Variants in KCNIP4 observed in about 807,000 individuals in gnomAD.
KCNIP4 encodes the protein potassium voltage-gated channel interacting protein 4.
A neutral mutation model predicts 34.0 loss-of-function variants in KCNIP4; 12 were observed. That is an observed-to-expected ratio of 0.35 (90% CI 0.23 to 0.57). The LOEUF (loss-of-function observed/expected upper bound fraction) is 0.57. Among genes scored for constraint, KCNIP4 ranks in the 20% least tolerant of loss-of-function variants. The pLI is 0.83. For synonymous variants in KCNIP4, 124 were observed against 102.2 expected (o/e 1.21, Z -1.29); for missense variants, 238 against 311.7 (o/e 0.76, Z 1.78).
At chr4:20,959,638 T>C (rs1211715507) in intron 1 of KCNIP4, among the ~76,000 whole-genome samples, 2 of 152,238 alleles carry the variant, frequency 1.3e-5, no homozygotes, top group Non-Finnish European at 2.9e-5. Context: ...AGTAAACAGT[T>C]AGTTGCTCTA....
chr4:21,582,046 TGG>T (rs1741262168), intron 1 of KCNIP4: 1 of 141,326 alleles, frequency 7.1e-6, no homozygotes, highest in Non-Finnish European at 1.5e-5. Flanking sequence ...TGGAATGGAA[TGG>T]AATGGAATGG....
chr4:20,992,739 C>CA (rs1421237059), intron 1 of KCNIP4, among the ~76,000 whole-genome samples: 1 of 152,034 alleles, frequency 6.6e-6, no homozygotes, highest in East Asian at 1.9e-4. Flanking sequence ...AAAGAAAGCA[C>CA]AGAGTAGGCC....
intron 1 of KCNIP4, among the ~76,000 whole-genome samples, chr4:21,604,133 A>G (rs1190487695): frequency 1.3e-5 from 2 of 152,178 alleles, no homozygotes; most frequent in African/African-American, 4.8e-5. Context: ...GAAGTAAAAT[A>G]TATTAATTTT....
rs116989985 is a variant in KCNIP4, at chr4:21,125,765, T to A, written c.62-243056A>T. ...CCAGGCCTCCAACATAATAGTTTGT[T>A]CCATTCTAACCTCTTATGATTAAGG... On this transcript the variant is annotated intron_variant, in intron 1 of 8. Transcript: ENST00000382152. Among the ~76,000 whole-genome samples the A allele has an allele frequency of 6.7e-3, 1,019 of 152,250 alleles. 29 individuals are homozygous for A. In the East Asian group the frequency reaches 0.091, roughly 14 times the overall value.
rs79849807 is a variant in KCNIP4, at chr4:21,423,110, A to T, written c.61+525461T>A. On this transcript the variant is annotated intron_variant, in intron 1 of 8. Coordinates refer to ENST00000382152, the MANE Select transcript of KCNIP4 (RefSeq NM_025221.6). Reference sequence around the variant, plus strand: ...ATATTCTTGGAAGTCAAGAGATAGCACCTGGACAAGGGAACTCTCTTCCAA... The same window carrying T: ...ATATTCTTGGAAGTCAAGAGATAGCTCCTGGACAAGGGAACTCTCTTCCAA... Among the ~76,000 whole-genome samples the T allele has an allele frequency of 2.1e-3, 321 of 152,294 alleles. 6 individuals are homozygous for T. In the East Asian group the frequency reaches 0.058, roughly 28 times the overall value.
At chr4:21,809,190 C>T (rs1165932699) in intron 1 of KCNIP4, among the ~76,000 whole-genome samples, 1 of 152,052 alleles carries the variant, frequency 6.6e-6, no homozygotes, top group Non-Finnish European at 1.5e-5. Flanking sequence ...TGTGGGTAGG[C>T]ATTAATCATT....
chr4:21,920,859 G>A (rs1728898591), intron 1 of KCNIP4, among the ~76,000 whole-genome samples: 1 of 152,026 alleles, frequency 6.6e-6, no homozygotes, highest in South Asian at 2.1e-4. Flanking sequence ...GTTAAGAAGT[G>A]CACTGTACAT....
intron 1 of KCNIP4, among the ~76,000 whole-genome samples, chr4:21,233,343 T>C (rs17455886): frequency 0.22 from 33,679 of 152,032 alleles, 4,234 homozygotes; most frequent in South Asian, 0.44. Flanking sequence ...ACACAAACGA[T>C]GTCTACTAAA....
intron 1 of KCNIP4, among the ~76,000 whole-genome samples, chr4:21,199,933 T>C (rs975721335): frequency 5.9e-5 from 9 of 151,976 alleles, no homozygotes; most frequent in African/African-American, 1.9e-4. Context: ...CAGCAAACTA[T>C]TGCAAGAACA....
chr4:21,707,219 A>G (rs1161123125), intron 1 of KCNIP4, among the ~76,000 whole-genome samples: 1 of 152,188 alleles, frequency 6.6e-6, no homozygotes, highest in East Asian at 1.9e-4. Context: ...CACACAATGA[A>G]GACTAAATCA....
chr4:21,482,641 C>T (rs942623376), intron 1 of KCNIP4, among the ~76,000 whole-genome samples: 1 of 152,096 alleles, frequency 6.6e-6, no homozygotes, highest in Non-Finnish European at 1.5e-5. Context: ...ATATTGGCCC[C>T]CACTCTCTTC....
At chr4:20,731,864 A>G (rs929835262) in intron 8 of KCNIP4, 142 bp downstream of exon 8, 1 of 1,423,978 alleles carries the variant, frequency 7.0e-7, no homozygotes, top group Non-Finnish European at 9.2e-7. Flanking sequence ...TCAGAGTGGT[A>G]GGCTTATGCT....
intron 1 of KCNIP4, among the ~76,000 whole-genome samples, chr4:21,278,766 G>A (rs939668162): frequency 7.2e-5 from 11 of 152,046 alleles, no homozygotes; most frequent in Admixed American, 7.2e-4. Context: ...GGGGAGATGG[G>A]GAATTACAGT....
At chr4:21,677,575 C>T (rs907389273) in intron 1 of KCNIP4, among the ~76,000 whole-genome samples, 2 of 152,166 alleles carry the variant, frequency 1.3e-5, no homozygotes, top group Non-Finnish European at 2.9e-5. Flanking sequence ...AGCCTCTCCA[C>T]TCAAAGGCCT....
intron 1 of KCNIP4, among the ~76,000 whole-genome samples, chr4:21,666,749 T>A (rs1192850530): frequency 6.6e-6 from 1 of 152,196 alleles, no homozygotes; most frequent in Non-Finnish European, 1.5e-5. Context: ...GTCTTTTATA[T>A]GAAAAGCAAG....
chr4:20,775,349 T>C (rs1407559020), intron 3 of KCNIP4, among the ~76,000 whole-genome samples: 1 of 152,160 alleles, frequency 6.6e-6, no homozygotes, highest in Non-Finnish European at 1.5e-5. Context: ...CTCAAGATTA[T>C]GAACTTGTAT....
chr4:21,106,591 A>G (rs1158249600), intron 1 of KCNIP4, among the ~76,000 whole-genome samples: 1 of 150,930 alleles, frequency 6.6e-6, no homozygotes, highest in African/African-American at 2.5e-5. Flanking sequence ...TTGTGTCTCT[A>G]TTTCCTTCAG....
intron 1 of KCNIP4, among the ~76,000 whole-genome samples, chr4:21,623,856 C>A (rs1236127103): frequency 6.6e-6 from 1 of 152,156 alleles, no homozygotes; most frequent in African/African-American, 2.4e-5. Flanking sequence ...TTAGTAGTTA[C>A]CAGTAGTTCT....
intron 1 of KCNIP4, among the ~76,000 whole-genome samples, chr4:21,051,408 CTTTG>C (rs1006999063): frequency 4.3e-5 from 5 of 115,226 alleles, no homozygotes; most frequent in South Asian, 2.9e-4. Context: ...CAGATGATTT[CTTTG>C]TTTGTTTAAT....
Sources: gnomAD v4.1 joint callset for allele counts (sites outside exome capture counted in the v4.1 genomes callset) on GRCh38, gnomAD v4.1.1 for gene constraint, MANE v1.5 for transcripts, NCBI Gene and HGNC (gene_info 2026-07-23, HGNC 2026-07-21) for gene names.